The following IL36B variants were observed in gnomAD, a reference collection of about 807,000 sequenced individuals.
IL36B encodes the protein interleukin-36 beta.
A neutral mutation model predicts 19.3 loss-of-function variants in IL36B; 23 were observed. The observed-to-expected ratio is 1.19, with a 90% confidence interval of 0.86 to 1.69. IL36B has a LOEUF of 1.69. Among genes scored for constraint, IL36B ranks in the 40% most tolerant of loss-of-function variants. The pLI, the probability that IL36B is intolerant of heterozygous loss-of-function variation, is 0.00. For synonymous variants in IL36B, 59 were observed against 59.7 expected, an observed-to-expected ratio of 0.99 and a Z score of 0.05; for missense variants, 217 against 200.5, an observed-to-expected ratio of 1.08 and a Z score of -0.50.
chr2:113,048,677 A>G (rs1315953682), intron 1 of IL36B, among the ~76,000 whole-genome samples: 1 of 152,230 alleles, frequency 6.6e-6, no homozygotes, highest in Non-Finnish European at 1.5e-5. Flanking sequence ...AAAGCAGTAG[A>G]GAATATTAAT....
At chr2:113,034,598 C>T (rs558535388) in intron 1 of IL36B, among the ~76,000 whole-genome samples, 2 of 152,224 alleles carry the variant, frequency 1.3e-5, no homozygotes, top group African/African-American at 2.4e-5. Flanking sequence ...ATGGTGCGGA[C>T]CTCTTATGGG....
intron 3 of IL36B, among the ~76,000 whole-genome samples, chr2:113,029,822 T>A (rs1371083858): frequency 6.6e-6 from 1 of 152,192 alleles, no homozygotes; most frequent in Non-Finnish European, 1.5e-5. Context: ...TTGTAAATGA[T>A]GACTGGCTGA....
intron 1 of IL36B, among the ~76,000 whole-genome samples, chr2:113,051,657 G>A (rs1211027683): frequency 1.3e-5 from 2 of 152,310 alleles, no homozygotes; most frequent in East Asian, 1.9e-4. Context: ...AGGGTTTCTC[G>A]AAAGCGCTAT....
At chr2:113,037,510 G>A (rs976424070) in intron 1 of IL36B, among the ~76,000 whole-genome samples, 6 of 152,140 alleles carry the variant, frequency 3.9e-5, no homozygotes, top group African/African-American at 4.8e-5. Context: ...TTAGCCAGGC[G>A]TGGTGGCACA....
chr2:113,038,980 A>G (rs1403022132), intron 1 of IL36B, among the ~76,000 whole-genome samples: 3 of 152,314 alleles, frequency 2.0e-5, no homozygotes, highest in Middle Eastern at 3.4e-3. Context: ...ATGTTTTCCC[A>G]TGTCCCTTTC....
chr2:113,044,321 T>C (rs2034260), intron 1 of IL36B, among the ~76,000 whole-genome samples: 72,759 of 150,380 alleles, frequency 0.48, 18,110 homozygotes, highest in East Asian at 0.7. Context: ...TTTAGAAACA[T>C]TGCTCTGTTG....
At chr2:113,034,669 A>T (rs939377645) in intron 1 of IL36B, among the ~76,000 whole-genome samples, 2 of 152,228 alleles carry the variant, frequency 1.3e-5, no homozygotes, top group African/African-American at 4.8e-5. Flanking sequence ...AATAAGAGGA[A>T]GACAGGGAAG....
chr2:113,025,665 A>G (rs551761385), intron 5 of IL36B, among the ~76,000 whole-genome samples: 1 of 152,312 alleles, frequency 6.6e-6, no homozygotes, highest in Admixed American at 6.5e-5. Context: ...GGTTGGGAAG[A>G]TGAGGAGAGT....
intron 1 of IL36B, among the ~76,000 whole-genome samples, chr2:113,048,248 C>T (rs1000455672): frequency 8.5e-5 from 13 of 152,126 alleles, no homozygotes; most frequent in Non-Finnish European, 1.6e-4. Context: ...CCTGTCTCTA[C>T]TAAAATACAA....
chr2:113,025,489 G>A (rs1684941323), intron 5 of IL36B, among the ~76,000 whole-genome samples: 1 of 152,196 alleles, frequency 6.6e-6, no homozygotes, highest in African/African-American at 2.4e-5. Flanking sequence ...GTGCATAAAT[G>A]AAAGAGACAA....
chr2:113,025,618 A>ATTTT (rs1684944233), intron 5 of IL36B, among the ~76,000 whole-genome samples: 1 of 152,184 alleles, frequency 6.6e-6, no homozygotes, highest in East Asian at 1.9e-4. Flanking sequence ...GAAGGCAAAA[A>ATTTT]TGCTATGGAC....
At chr2:113,033,230 T>A (rs764622766) in intron 1 of IL36B, among the ~76,000 whole-genome samples, 1 of 152,178 alleles carries the variant, frequency 6.6e-6, no homozygotes, top group Non-Finnish European at 1.5e-5. Flanking sequence ...TCACGCTACA[T>A]TTACTTTTTT....
intron 5 of IL36B, among the ~76,000 whole-genome samples, chr2:113,023,638 A>G (rs1006636918): frequency 6.6e-6 from 1 of 152,226 alleles, no homozygotes; most frequent in Non-Finnish European, 1.5e-5. Context: ...AGTTAAGGAG[A>G]CAACCATTAA....
chr2:113,040,462 C>T (rs1685235111), intron 1 of IL36B, among the ~76,000 whole-genome samples: 1 of 152,168 alleles, frequency 6.6e-6, no homozygotes, highest in South Asian at 2.1e-4. Context: ...AAGTAAAACT[C>T]TCCTCAAATA....
At chr2:113,037,063 T>C (rs904739695) in intron 1 of IL36B, among the ~76,000 whole-genome samples, 5 of 152,228 alleles carry the variant, frequency 3.3e-5, no homozygotes, top group Admixed American at 6.5e-5. Flanking sequence ...GACTCTTAGG[T>C]GCGCTCAGAA....
At chr2:113,038,504 ATTT>A (rs1685196832) in intron 1 of IL36B, among the ~76,000 whole-genome samples, 1 of 152,170 alleles carries the variant, frequency 6.6e-6, no homozygotes, top group Non-Finnish European at 1.5e-5. Flanking sequence ...AAAAGTAAGT[ATTT>A]CCTGGTGGGA....
chr2:113,024,411 A>C (rs1257681333), intron 5 of IL36B, among the ~76,000 whole-genome samples: 1 of 152,160 alleles, frequency 6.6e-6, no homozygotes, highest in African/African-American at 2.4e-5. Flanking sequence ...TCCATACTAC[A>C]GATAGACAAG....
At chr2:113,047,658 G>A (rs1315863109) in intron 1 of IL36B, among the ~76,000 whole-genome samples, 5 of 152,168 alleles carry the variant, frequency 3.3e-5, no homozygotes, top group African/African-American at 4.8e-5. Context: ...GCCAGACAGT[G>A]GGAACAGGTA....
chr2:113,028,256 G>T, intron 4 of IL36B, 141 bp from the exon 5 acceptor site: 1 of 670,498 alleles, frequency 1.5e-6, no homozygotes, highest in East Asian at 2.7e-5. Context: ...GATGAAGCAG[G>T]GCATTAGAGT....
Sources: gnomAD v4.1 joint callset for allele counts (sites outside exome capture counted in the v4.1 genomes callset) on GRCh38, gnomAD v4.1.1 for gene constraint, MANE v1.5 for transcripts, NCBI Gene and HGNC (gene_info 2026-07-23, HGNC 2026-07-21) for gene names.